The following OR2C1 variants were observed in gnomAD, a reference collection of about 807,000 sequenced individuals.
The protein encoded by OR2C1 is olfactory receptor family 2 subfamily C member 1, also known as olfactory receptor 2C1.
For missense variants in OR2C1, 468 were observed against 388.3 expected (o/e 1.21, Z -1.73); for synonymous variants, 209 against 167.3 (o/e 1.25, Z -1.92).
upstream of OR2C1, among the ~76,000 whole-genome samples, chr16:3,355,730 T>G (rs1399488672): frequency 6.6e-6 from 1 of 151,114 alleles, no homozygotes; most frequent in Non-Finnish European, 1.5e-5. Context: ...TGCAGTGAGC[T>G]GAGATTGTGC....
chr16:3,344,456 G>A, the OR2C1 span, among the ~76,000 whole-genome samples: 1 of 152,152 alleles, frequency 6.6e-6, no homozygotes, highest in African/African-American at 2.4e-5. Context: ...GGCCGGGCAC[G>A]GTGGCTCACG....
the OR2C1 span, among the ~76,000 whole-genome samples, chr16:3,348,784 A>G: frequency 1.1e-4 from 16 of 152,182 alleles, no homozygotes; most frequent in Non-Finnish European, 5.9e-5. Flanking sequence ...TCAGGTTACC[A>G]GGCACCTGTT....
the OR2C1 span, among the ~76,000 whole-genome samples, chr16:3,337,431 A>G: frequency 6.6e-6 from 1 of 151,888 alleles, no homozygotes; most frequent in Non-Finnish European, 1.5e-5. Flanking sequence ...AGCCTCCCAA[A>G]GTGCTGGGAT....
At chr16:3,333,675 T>C in the OR2C1 span, among the ~76,000 whole-genome samples, 1 of 152,188 alleles carries the variant, frequency 6.6e-6, no homozygotes, top group Admixed American at 6.5e-5. Context: ...CTTCACTTTA[T>C]TGTTTCCTTT....
At chr16:3,344,148 G>A in the OR2C1 span, among the ~76,000 whole-genome samples, 30 of 151,480 alleles carry the variant, frequency 2.0e-4, no homozygotes, top group Non-Finnish European at 3.1e-4. Context: ...TTGAACCCAG[G>A]AGGTGGAGGT....
chr16:3,326,534 A>G, the OR2C1 span, among the ~76,000 whole-genome samples: 188 of 152,244 alleles, frequency 1.2e-3, no homozygotes, highest in Non-Finnish European at 2.3e-3. Context: ...TGTAGCAGAC[A>G]TTTGTTGACT....
At chr16:3,350,696 C>T in the OR2C1 span, among the ~76,000 whole-genome samples, 2 of 151,920 alleles carry the variant, frequency 1.3e-5, no homozygotes, top group African/African-American at 4.8e-5. Context: ...CAGGCTTGAG[C>T]CACGTGCCCG....
chr16:3,354,415 C>T (rs1385669301), upstream of OR2C1, among the ~76,000 whole-genome samples: 1 of 152,094 alleles, frequency 6.6e-6, no homozygotes, highest in Non-Finnish European at 1.5e-5. Context: ...CTATTTTAAC[C>T]CCTTTTTGTG....
the OR2C1 span, among the ~76,000 whole-genome samples, chr16:3,325,345 G>T: frequency 6.6e-6 from 1 of 151,358 alleles, no homozygotes. Flanking sequence ...TCTCAAACTC[G>T]TGGGCTTAAG....
At chr16:3,335,225 G>A in the OR2C1 span, among the ~76,000 whole-genome samples, 1 of 152,252 alleles carries the variant, frequency 6.6e-6, no homozygotes, top group Non-Finnish European at 1.5e-5. Context: ...AATGTCATTG[G>A]CATTTTGATA....
At chr16:3,343,660 GAGAATTGCTTGAACTCAGCGGGC>G in the OR2C1 span, among the ~76,000 whole-genome samples, 2 of 152,196 alleles carry the variant, frequency 1.3e-5, no homozygotes, top group African/African-American at 4.8e-5. Context: ...GCTAAGCAGG[GAGAATTGCTTGAACTCAGCGGGC>G]AGAAGTTGCT....
At chr16:3,354,032 G>A (rs966972784), upstream of OR2C1, among the ~76,000 whole-genome samples, 12 of 144,414 alleles carry the variant, frequency 8.3e-5, no homozygotes, top group Non-Finnish European at 1.8e-4. Flanking sequence ...TGCCCAGGCT[G>A]AAGTGTAGTA....
Position 3,356,759 on chromosome 16 carries a change from C to T in OR2C1, c.819C>T (p.Phe273=). The change falls in exon 1 of 1, where the codon TTC becomes TTT. Residue 273 remains phenylalanine, a synonymous_variant. Coordinates refer to ENST00000304936, the MANE Select transcript of OR2C1 (RefSeq NM_012368.3). ...AKNSKQDQGK[F]ISLFYSLVTP... is the part of the protein sequence containing the mutation. ...ACAGCAAACAGGACCAGGGCAAGTTCATTTCCCTGTTCTACTCGTTGGTCA... is the reference window on the plus strand; with the variant it reads ...ACAGCAAACAGGACCAGGGCAAGTTTATTTCCCTGTTCTACTCGTTGGTCA... 1 of 1,613,938 alleles carries T rather than the reference C, an allele frequency of 6.2e-7. No individual in the cohort carries two copies. Among genetic ancestry groups the T allele is most frequent in the Non-Finnish European group, 8.5e-7 (1 of 1,179,808 alleles).
the OR2C1 span, among the ~76,000 whole-genome samples, chr16:3,337,966 A>C: frequency 6.6e-6 from 1 of 152,208 alleles, no homozygotes; most frequent in Admixed American, 6.5e-5. Flanking sequence ...GCTGCCCCCA[A>C]CCCTAGGTAG....
chr16:3,329,370 C>A, the OR2C1 span, among the ~76,000 whole-genome samples: 1,880 of 151,582 alleles, frequency 0.012, 40 homozygotes, highest in African/African-American at 0.041. Context: ...AAGAACACCA[C>A]GAAAAGAGTT....
chr16:3,330,802 C>T, the OR2C1 span, among the ~76,000 whole-genome samples: 8 of 152,126 alleles, frequency 5.3e-5, no homozygotes, highest in African/African-American at 1.9e-4. Flanking sequence ...CATGCAGTGG[C>T]ACAGTCACAG....
At chr16:3,326,501 C>G in the OR2C1 span, among the ~76,000 whole-genome samples, 2 of 152,332 alleles carry the variant, frequency 1.3e-5, no homozygotes, top group Admixed American at 1.3e-4. Context: ...TTCTATTCAA[C>G]TAGAAGCTTT....
chr16:3,350,988 C>G (rs973686476), upstream of OR2C1, among the ~76,000 whole-genome samples: 12 of 142,220 alleles, frequency 8.4e-5, no homozygotes, highest in African/African-American at 3.2e-4. Flanking sequence ...CTGCAGTGAG[C>G]TATCATTGCA....
chr16:3,336,466 A>T, the OR2C1 span, among the ~76,000 whole-genome samples: 1 of 151,656 alleles, frequency 6.6e-6, no homozygotes, highest in Non-Finnish European at 1.5e-5. Context: ...GTTTCAAGCA[A>T]TTCTCCTGCC....
Sources: gnomAD v4.1 joint callset for allele counts (sites outside exome capture counted in the v4.1 genomes callset) on GRCh38, gnomAD v4.1.1 for gene constraint, MANE v1.5 for transcripts, NCBI Gene and HGNC (gene_info 2026-07-23, HGNC 2026-07-21) for gene names.